Variants in AKAP13 observed in about 807,000 individuals in gnomAD.
The protein encoded by AKAP13 is A-kinase anchor protein 13.
A neutral mutation model predicts 264.5 loss-of-function variants in AKAP13; 80 were observed. The ratio of observed to expected loss-of-function variants is 0.30; its 90% CI spans 0.25 to 0.36. The LOEUF is 0.36. Ranked by LOEUF, AKAP13 falls within the 10% of genes least tolerant of loss-of-function variation. The pLI, the probability that AKAP13 is intolerant of heterozygous loss-of-function variation, is 1.00. For synonymous variants in AKAP13, 1,380 were observed against 1,250.2 expected (o/e 1.10, Z -2.19); for missense variants, 3,712 against 3,435.2 (o/e 1.08, Z -2.01).
chr15:85,437,254 C>T (rs1398917162), intron 1 of AKAP13, among the ~76,000 whole-genome samples: 1 of 150,258 alleles, frequency 6.7e-6, no homozygotes, highest in Admixed American at 6.6e-5. Context: ...CATACACTCT[C>T]CCAAGACTAA....
intron 23 of AKAP13, among the ~76,000 whole-genome samples, chr15:85,720,772 T>G (rs2087236099): frequency 6.6e-6 from 1 of 152,240 alleles, no homozygotes; most frequent in African/African-American, 2.4e-5. Flanking sequence ...CCTCACTTCA[T>G]TAATTTATTA....
At position 85,708,734 on chromosome 15, in the gene AKAP13, GTC is replaced by G. The variant is rs1309541830; in HGVS notation, c.5532+652_5532+653del. On this transcript the variant is annotated intron_variant, in intron 18 of 36. Coordinates refer to ENST00000394518, the MANE Select transcript of AKAP13 (RefSeq NM_007200.5). This position sits in a 1 kb window ranked among gnomAD's most constrained non-coding sequence, Gnocchi z 4.3. Reference sequence around the variant, plus strand: ...TTCAATGTTCTAGTCGCCTGTAAGTGTCTCTTCATTCCTTGTCAAAGGAGTGC... The same window carrying G: ...TTCAATGTTCTAGTCGCCTGTAAGTGTCTTCATTCCTTGTCAAAGGAGTGC... 6.6e-5 allele frequency among the ~76,000 whole-genome samples: 10 copies of G among 152,226 alleles called. No homozygotes were observed. In the East Asian group the frequency reaches 1.3e-3, roughly 21 times the overall value.
chr15:85,399,523 T>A (rs11856056), intron 1 of AKAP13, among the ~76,000 whole-genome samples: 11,899 of 72,082 alleles, frequency 0.17, 1,229 homozygotes, highest in African/African-American at 0.28. Context: ...AAAAAAAAAA[T>A]AAAAAAATAA....
At chr15:85,578,602 C>A (rs1485016400) in intron 6 of AKAP13, among the ~76,000 whole-genome samples, 2 of 152,122 alleles carry the variant, frequency 1.3e-5, no homozygotes, top group African/African-American at 4.8e-5. Flanking sequence ...CCTCAGCCTC[C>A]CAAAGTGCTG....
At chr15:85,622,376 G>A (rs533534927) in intron 8 of AKAP13, among the ~76,000 whole-genome samples, 61 of 152,228 alleles carry the variant, frequency 4.0e-4, no homozygotes, top group Admixed American at 2.0e-4. Flanking sequence ...AATGAACAGT[G>A]AATACAGGGC....
At chr15:85,427,140 A>G (rs2150915060) in intron 1 of AKAP13, among the ~76,000 whole-genome samples, 1 of 151,950 alleles carries the variant, frequency 6.6e-6, no homozygotes, top group South Asian at 2.1e-4. Context: ...TATTTTTAGT[A>G]GAGACGGGGT....
chr15:85,727,760 C>T lies in AKAP13; in HGVS notation c.7087+297C>T, dbSNP rs575143028. 3.5e-4 allele frequency among the ~76,000 whole-genome samples: 54 copies of T among 152,170 alleles called. No homozygotes were observed. Among genetic ancestry groups the T allele is most frequent in the South Asian group, 8.3e-4 (4 of 4,822 alleles). On this transcript the variant is annotated intron_variant, in intron 29 of 36. Coordinates refer to ENST00000394518, the MANE Select transcript of AKAP13 (RefSeq NM_007200.5). This position sits in a 1 kb window ranked among gnomAD's most constrained non-coding sequence, Gnocchi z 5.3. Reference sequence around the variant, plus strand: ...GACATTCTCTGTACTTTGTCACAGGCGAATTTGCCAAAATTTGTAGTCACA... The same window carrying T: ...GACATTCTCTGTACTTTGTCACAGGTGAATTTGCCAAAATTTGTAGTCACA...
At chr15:85,655,061 G>T (rs570207418) in intron 10 of AKAP13, among the ~76,000 whole-genome samples, 167 of 152,042 alleles carry the variant, frequency 1.1e-3, no homozygotes, top group African/African-American at 3.9e-3. Flanking sequence ...GCGTAGTGGT[G>T]CATGCCTGTA....
intron 2 of AKAP13, among the ~76,000 whole-genome samples, chr15:85,498,851 C>A (rs192956838): frequency 6.6e-6 from 1 of 152,266 alleles, no homozygotes. Flanking sequence ...GTTTACGCCC[C>A]ATCTCAGACC....
At chr15:85,394,484 TG>T (rs2071020086) in intron 1 of AKAP13, among the ~76,000 whole-genome samples, 1 of 152,200 alleles carries the variant, frequency 6.6e-6, no homozygotes, top group Non-Finnish European at 1.5e-5. Context: ...GCAGAGACTC[TG>T]GCAAATGAAT....
At chr15:85,461,157 C>T (rs1326196328) in intron 1 of AKAP13, among the ~76,000 whole-genome samples, 1 of 151,960 alleles carries the variant, frequency 6.6e-6, no homozygotes, top group Non-Finnish European at 1.5e-5. Flanking sequence ...TCTCTGTCGC[C>T]CAGGCTGGAG....
intron 2 of AKAP13, among the ~76,000 whole-genome samples, chr15:85,497,935 A>G (rs1005734091): frequency 6.6e-6 from 1 of 152,102 alleles, no homozygotes; most frequent in African/African-American, 2.4e-5. Context: ...TAGGCCTATC[A>G]CTTCACCGTT....
intron 1 of AKAP13, among the ~76,000 whole-genome samples, chr15:85,468,729 A>AT (rs2074845596): frequency 6.6e-6 from 1 of 151,948 alleles, no homozygotes; most frequent in Non-Finnish European, 1.5e-5. Context: ...GTCTTTACTA[A>AT]TTTTTTTAGG....
chr15:85,474,646 A>T (rs971257813), intron 1 of AKAP13, among the ~76,000 whole-genome samples: 27 of 152,228 alleles, frequency 1.8e-4, no homozygotes, highest in Admixed American at 1.5e-3. Context: ...TAGAATTTTC[A>T]CTTAATTATG....
chr15:85,616,364 A>C (rs973965764), intron 8 of AKAP13, among the ~76,000 whole-genome samples: 14 of 152,226 alleles, frequency 9.2e-5, no homozygotes, highest in Admixed American at 6.5e-4. Flanking sequence ...ATTCATGAAC[A>C]CAAATGCTAT....
At chr15:85,590,147 GAATCATTGA>G (rs1446438525) in intron 8 of AKAP13, among the ~76,000 whole-genome samples, 4 of 152,042 alleles carry the variant, frequency 2.6e-5, no homozygotes, top group African/African-American at 4.8e-5. Flanking sequence ...TTGCTTCATT[GAATCATTGA>G]ATCATCCTCT....
At position 85,482,897 on chromosome 15, in the gene AKAP13, T is replaced by C. The variant is rs2075392989; in HGVS notation, c.-11-2813T>C. Among the ~76,000 whole-genome samples the C allele has an allele frequency of 2.0e-5, 3 of 152,222 alleles. No homozygotes were observed. In the South Asian group the frequency reaches 6.2e-4, roughly 31 times the overall value. On this transcript the variant is annotated intron_variant, in intron 1 of 36. Coordinates refer to ENST00000394518, the MANE Select transcript of AKAP13 (RefSeq NM_007200.5). ...CATTACTTTGATTACTTTTGACAGA[T>C]ACATTCTTTTCAGCAGCCTGTGTTG...
rs4037636 is a variant in AKAP13, at chr15:85,458,393, G to GTTTTTTTTTT, written c.-11-27311_-11-27302dup. On this transcript the variant is annotated intron_variant, in intron 1 of 36. Coordinates refer to ENST00000394518, the MANE Select transcript of AKAP13 (RefSeq NM_007200.5). ...TCTTTTTTTGTATTTTTTGTTTTTT[G>GTTTTTTTTTT]TTTTTTTTTTTTTTTACTATATATG... is the stretch of plus-strand genomic sequence containing the variant. 1.2e-4 allele frequency among the ~76,000 whole-genome samples: 15 copies of GTTTTTTTTTT among 120,638 alleles called. 1 individual carries two copies. Among genetic ancestry groups the GTTTTTTTTTT allele is most frequent in the African/African-American group, 4.6e-4 (14 of 30,678 alleles). The allele number at this position is 120,638 out of a possible 152,430, so 79.1% of individuals were successfully genotyped here.
chr15:85,600,659 A>G (rs537136006), intron 8 of AKAP13, among the ~76,000 whole-genome samples: 16 of 152,366 alleles, frequency 1.1e-4, no homozygotes, highest in African/African-American at 2.9e-4. Flanking sequence ...TAACAAATGC[A>G]TGACATTAAT....
Sources: gnomAD v4.1 joint callset for allele counts (sites outside exome capture counted in the v4.1 genomes callset) on GRCh38, gnomAD v4.1.1 for gene constraint, Gnocchi (gnomAD v3.1) non-coding constraint, MANE v1.5 for transcripts, NCBI Gene and HGNC (gene_info 2026-07-23, HGNC 2026-07-21) for gene names.